Variants in ZBTB2 observed in about 807,000 individuals in gnomAD.
ZBTB2 encodes the protein zinc finger and BTB domain containing 2.
ZBTB2 carries 2 observed loss-of-function variants against 39.5 expected under a neutral mutation model. The observed-to-expected ratio is 0.05, with a 90% confidence interval of 0.02 to 0.16. The LOEUF (loss-of-function observed/expected upper bound fraction) is 0.16. Among genes scored for constraint, ZBTB2 ranks in the 10% least tolerant of loss-of-function variants. ZBTB2 has a pLI of 1.00. For missense variants in ZBTB2, 391 were observed against 653.0 expected (o/e 0.60, Z 4.37); for synonymous variants, 251 against 256.6 (o/e 0.98, Z 0.21).
In ZBTB2 at chr6:151,368,401, G is replaced by T. The variant is rs536663471; in HGVS notation, c.174-1509C>A. 3.3e-5 allele frequency among the ~76,000 whole-genome samples: 5 copies of T among 152,102 alleles called. No individual in the cohort carries two copies. In the South Asian group the frequency reaches 1.0e-3, roughly 32 times the overall value. Reference sequence around the variant, plus strand: ...GCTGAACTCGTGATCTGCCCGCCTCGGCCTCCCAAAGTGCTGGGATTACAG... The same window carrying T: ...GCTGAACTCGTGATCTGCCCGCCTCTGCCTCCCAAAGTGCTGGGATTACAG... On this transcript the variant is annotated intron_variant, in intron 2 of 2. Coordinates refer to ENST00000325144, the MANE Select transcript of ZBTB2 (RefSeq NM_020861.3).
At chr6:151,374,944 A>AG (rs1778873222) in intron 1 of ZBTB2, among the ~76,000 whole-genome samples, 2 of 150,340 alleles carry the variant, frequency 1.3e-5, no homozygotes, top group East Asian at 1.9e-4. Flanking sequence ...AAAAAAAAAA[A>AG]AAAAAAAAAA....
chr6:151,366,049 G>A lies in ZBTB2; in HGVS notation c.1017C>T (p.Pro339=), dbSNP rs770631189. The A allele has an allele frequency of 4.3e-6, 7 of 1,614,154 alleles. No individual in the cohort carries two copies. The highest frequency in any genetic ancestry group is 5.9e-6 in the Non-Finnish European group (7 of 1,180,030). ...IDGQQQSETP[P]PSDIADIDNL... ...TGTCAATGTCAGCAATGTCTGAGGGGGGTGGGGTTTCCGACTGCTGCTGCC... is the reference window on the plus strand; with the variant it reads ...TGTCAATGTCAGCAATGTCTGAGGGAGGTGGGGTTTCCGACTGCTGCTGCC... Residue 339 remains proline, a synonymous_variant, in exon 3 of 3, where the codon CCC becomes CCT. Coordinates refer to ENST00000325144, the MANE Select transcript of ZBTB2 (RefSeq NM_020861.3). This position sits in a 1 kb window ranked among gnomAD's most constrained non-coding sequence, Gnocchi z 7.1.
intron 1 of ZBTB2, among the ~76,000 whole-genome samples, chr6:151,390,501 TGCGCAACGCCCCGGCCG>T (rs897673053): frequency 6.7e-5 from 10 of 148,804 alleles, no homozygotes; most frequent in South Asian, 2.1e-4. Flanking sequence ...GCCTACGCCG[TGCGCAACGCCCCGGCCG>T]GCGCAACAGC....
intron 1 of ZBTB2, among the ~76,000 whole-genome samples, chr6:151,390,249 A>G (rs1779255283): frequency 6.8e-6 from 1 of 148,068 alleles, no homozygotes. Context: ...CGCCCGCCTG[A>G]GCGCGCCGCA....
chr6:151,387,677 A>T (rs1488611480), intron 1 of ZBTB2, among the ~76,000 whole-genome samples: 1 of 152,218 alleles, frequency 6.6e-6, no homozygotes, highest in African/African-American at 2.4e-5. Context: ...AGTTTCCCTA[A>T]GTACTTAGCC....
At chr6:151,376,296 C>A (rs946144920) in intron 1 of ZBTB2, among the ~76,000 whole-genome samples, 1 of 152,148 alleles carries the variant, frequency 6.6e-6, no homozygotes, top group Non-Finnish European at 1.5e-5. Flanking sequence ...AGTTTTTACA[C>A]TTGACATCAA....
At chr6:151,370,733 C>T (rs1778771655) in intron 2 of ZBTB2, among the ~76,000 whole-genome samples, 1 of 152,166 alleles carries the variant, frequency 6.6e-6, no homozygotes, top group African/African-American at 2.4e-5. Flanking sequence ...AGTAGCCAGG[C>T]AGCAGTGTGT....
intron 2 of ZBTB2, chr6:151,370,169 CT>C (rs1778755906): frequency 1.2e-6 from 1 of 806,580 alleles, no homozygotes; most frequent in African/African-American, 1.9e-5. Flanking sequence ...GAGTTTCACT[CT>C]TGTTGCCCAG....
At chr6:151,388,590 C>G (rs1273438424) in intron 1 of ZBTB2, among the ~76,000 whole-genome samples, 2 of 152,136 alleles carry the variant, frequency 1.3e-5, no homozygotes, top group Admixed American at 6.5e-5. Flanking sequence ...TGGTTTTGAA[C>G]TCTTGGCTTC....
rs534200547 is a variant in ZBTB2 at position 151,370,703 on chromosome 6, G to A, written c.173+2762C>T. Among the ~76,000 whole-genome samples the A allele has an allele frequency of 3.6e-4, 55 of 152,282 alleles. No homozygotes were observed. In the Middle Eastern group the frequency reaches 0.02, roughly 57 times the overall value. On this transcript the variant is annotated intron_variant, in intron 2 of 2. Transcript: ENST00000325144. ...GGAGCCAAACTTGAAAAAACTGACC[G>A]TATTCTCAGTCTATGTCTGAGTAGC...
chr6:151,373,832 C>A, intron 1 of ZBTB2, among the ~76,000 whole-genome samples, 183 bp from the exon 2 acceptor site: 2 of 101,356 alleles, frequency 2.0e-5, no homozygotes. Context: ...GTAGTTATGT[C>A]ATTATGCCTT....
chr6:151,367,996 G>A (rs1383192213), intron 2 of ZBTB2, among the ~76,000 whole-genome samples: 2 of 152,338 alleles, frequency 1.3e-5, no homozygotes, highest in Non-Finnish European at 2.9e-5. Context: ...ATATTCCACT[G>A]AGTGGATATT....
In ZBTB2 at chr6:151,365,378, G is replaced by A; in HGVS notation, c.*143C>T. 1.1e-6 allele frequency: 1 copy of A among 908,550 alleles called. No homozygotes were observed. The highest frequency in any genetic ancestry group is 1.7e-6 in the Non-Finnish European group (1 of 604,468). The allele number at this position is 908,550 out of a possible 1,614,324, so 56.3% of individuals were successfully genotyped here. A position where few individuals can be genotyped will look rare whatever the true frequency, so the allele number is the denominator to read the frequency against. On this transcript the variant is annotated 3_prime_UTR_variant, in exon 3 of 3. Transcript: ENST00000325144. The surrounding 1 kb of genome is among the most constrained non-coding windows in gnomAD (Gnocchi z 5.6). ...TGCACAAAGCCTTTACAGAGGTGGG[G>A]CTGGGATGTGGAAAAGGGGAAGAGG...
At position 151,365,836 on chromosome 6, in the gene ZBTB2, G is replaced by A. The variant is rs776484041; in HGVS notation, c.1230C>T (p.Cys410=). Residue 410 remains cysteine, a synonymous_variant, in exon 3 of 3, where the codon TGC becomes TGT. Coordinates refer to ENST00000325144, the MANE Select transcript of ZBTB2 (RefSeq NM_020861.3). This position sits in a 1 kb window ranked among gnomAD's most constrained non-coding sequence, Gnocchi z 5.6. ...TGTAAGTGTCGATGCTCTGGTTGAG[G>A]CACACGTGGCGGGCAGCCTGGTTGG... ...CRANQAARHV[C]LNQSIDTYTM... 1.2e-6 allele frequency: 2 copies of A among 1,614,206 alleles called. No individual in the cohort carries two copies. The highest frequency in any genetic ancestry group is 1.7e-5 in the Admixed American group (1 of 60,026).
At chr6:151,387,077 T>C (rs1293375531) in intron 1 of ZBTB2, among the ~76,000 whole-genome samples, 1 of 152,208 alleles carries the variant, frequency 6.6e-6, no homozygotes, top group Non-Finnish European at 1.5e-5. Flanking sequence ...CCCACCTATG[T>C]AGTTGGAAAA....
intron 2 of ZBTB2, among the ~76,000 whole-genome samples, chr6:151,369,117 T>G (rs1778720789): frequency 6.6e-6 from 1 of 152,206 alleles, no homozygotes; most frequent in Non-Finnish European, 1.5e-5. Flanking sequence ...ATAGGCTGTC[T>G]TATCTATCAC....
intron 1 of ZBTB2, among the ~76,000 whole-genome samples, chr6:151,373,870 A>AAAAAAAAAC (rs1778843577): frequency 4.9e-5 from 6 of 123,592 alleles, no homozygotes; most frequent in South Asian, 2.6e-4. Flanking sequence ...AAAAAAAAAA[A>AAAAAAAAAC]AAAAAAACCA....
At chr6:151,381,332 C>T (rs1183776073) in intron 1 of ZBTB2, among the ~76,000 whole-genome samples, 1 of 152,006 alleles carries the variant, frequency 6.6e-6, no homozygotes, top group Admixed American at 6.6e-5. Flanking sequence ...GCCAGCCTGG[C>T]CAACATGGTG....
intron 1 of ZBTB2, among the ~76,000 whole-genome samples, chr6:151,380,572 C>T (rs1158994514): frequency 3.3e-5 from 5 of 152,334 alleles, no homozygotes; most frequent in Admixed American, 1.3e-4. Context: ...AGCTCCCGCC[C>T]GGCTCTGCTC....
Sources: allele counts gnomAD v4.1 joint callset (sites outside exome capture counted in the v4.1 genomes callset), GRCh38; gene constraint gnomAD v4.1.1; non-coding constraint Gnocchi (gnomAD v3.1); transcripts MANE v1.5; gene names NCBI Gene and HGNC (gene_info 2026-07-23, HGNC 2026-07-21).